SGCZ: variants seen among roughly 807,000 people sequenced by gnomAD.
The protein encoded by SGCZ is zeta-sarcoglycan.
In SGCZ, 40 loss-of-function variants were observed where a neutral mutation model predicts 41.3. The observed-to-expected ratio is 0.97, with a 90% CI of 0.75 to 1.26. The LOEUF (loss-of-function observed/expected upper bound fraction) is 1.26. Among genes scored for constraint, SGCZ ranks in the 50% most tolerant of loss-of-function variants. SGCZ has a pLI of 0.00. For missense variants in SGCZ, 552 were observed against 369.8 expected (o/e 1.49, Z -4.04); for synonymous variants, 206 against 137.5 (o/e 1.50, Z -3.49).
chr8:15,022,402 G>C (rs906340056), intron 1 of SGCZ, among the ~76,000 whole-genome samples: 2 of 151,970 alleles, frequency 1.3e-5, no homozygotes, highest in Admixed American at 1.3e-4. Flanking sequence ...GGAGTGCAGT[G>C]GCACAATCTC....
chr8:14,428,111 C>T (rs1043574948), intron 2 of SGCZ, among the ~76,000 whole-genome samples: 1 of 11,548 alleles, frequency 8.7e-5, no homozygotes, highest in Admixed American at 5.2e-4. Context: ...TACACACACA[C>T]ACACACACAC....
At chr8:15,022,500 C>T (rs966176673) in intron 1 of SGCZ, among the ~76,000 whole-genome samples, 1 of 152,022 alleles carries the variant, frequency 6.6e-6, no homozygotes, top group Non-Finnish European at 1.5e-5. Context: ...TGAGCCACCG[C>T]GCCCAGCTAA....
intron 2 of SGCZ, among the ~76,000 whole-genome samples, chr8:14,432,061 A>C (rs936572439): frequency 6.6e-6 from 1 of 152,188 alleles, no homozygotes; most frequent in Non-Finnish European, 1.5e-5. Flanking sequence ...GTGAACAGGG[A>C]ACACTTCTAC....
intron 1 of SGCZ, among the ~76,000 whole-genome samples, chr8:15,169,465 T>A (rs1392819687): frequency 6.6e-6 from 1 of 152,138 alleles, no homozygotes; most frequent in Non-Finnish European, 1.5e-5. Flanking sequence ...TTTTCTTCCT[T>A]TTCACCCAAT....
intron 1 of SGCZ, among the ~76,000 whole-genome samples, chr8:15,151,083 C>G (rs552879005): frequency 1.3e-5 from 2 of 152,248 alleles, no homozygotes; most frequent in Non-Finnish European, 2.9e-5. Context: ...TACACACTCA[C>G]GCACACACTT....
intron 5 of SGCZ, among the ~76,000 whole-genome samples, chr8:14,160,960 A>C (rs1215302211): frequency 6.6e-6 from 1 of 152,224 alleles, no homozygotes; most frequent in African/African-American, 2.4e-5. Flanking sequence ...TAAAGCTGCA[A>C]GGCATCCATT....
intron 1 of SGCZ, among the ~76,000 whole-genome samples, chr8:14,873,255 T>C (rs1375900791): frequency 1.3e-5 from 2 of 152,120 alleles, no homozygotes; most frequent in Non-Finnish European, 2.9e-5. Flanking sequence ...TAACTACACT[T>C]TAAAGGCTAC....
In SGCZ at chr8:14,518,684, C is replaced by T. The variant is rs147191825; in HGVS notation, c.234+36048G>A. 7.8e-3 allele frequency among the ~76,000 whole-genome samples: 1,181 copies of T among 151,962 alleles called. 16 individuals carry two copies. The highest frequency in any genetic ancestry group is 0.02 in the South Asian group (94 of 4,814). On this transcript the variant is annotated intron_variant, in intron 2 of 7. Transcript: ENST00000382080. Reference sequence around the variant, plus strand: ...TCAGGTTACATATAAGAAAATAGAACGTTATTAAGTACAGTTTAGTTGCAG... The same window carrying T: ...TCAGGTTACATATAAGAAAATAGAATGTTATTAAGTACAGTTTAGTTGCAG...
intron 3 of SGCZ, among the ~76,000 whole-genome samples, chr8:14,300,461 C>A (rs916322086): frequency 6.6e-5 from 10 of 151,862 alleles, no homozygotes; most frequent in Admixed American, 2.0e-4. Flanking sequence ...CAGTATAGTT[C>A]ATATTCCCAG....
chr8:14,749,047 A>G (rs1339885294), intron 1 of SGCZ, among the ~76,000 whole-genome samples: 9 of 152,096 alleles, frequency 5.9e-5, no homozygotes, highest in Admixed American at 5.9e-4. Flanking sequence ...TTTTCATCCA[A>G]TTTCTATCTA....
In SGCZ at chr8:15,221,735, C is replaced by A. The variant is rs1585689143; in HGVS notation, c.39+15850G>T. Among the ~76,000 whole-genome samples, 5 of 152,280 alleles carry A rather than the reference C, an allele frequency of 3.3e-5. No homozygotes were observed. In the South Asian group the frequency reaches 8.3e-4, roughly 25 times the overall value. The stretch of plus-strand genomic sequence containing the variant: ...CTGCCCGAAACCTAAGTCCATTTTA[C>A]ACTTTTTTTTAAACAAAATTTAACT... On this transcript the variant is annotated intron_variant, in intron 1 of 7. Coordinates refer to ENST00000382080, the MANE Select transcript of SGCZ (RefSeq NM_139167.4).
chr8:15,225,253 T>A (rs1411793873), intron 1 of SGCZ, among the ~76,000 whole-genome samples: 1 of 152,030 alleles, frequency 6.6e-6, no homozygotes, highest in Non-Finnish European at 1.5e-5. Flanking sequence ...CCTACCACAA[T>A]GCAATTTAGT....
At chr8:15,182,401 CTAGA>C (rs1046371611) in intron 1 of SGCZ, among the ~76,000 whole-genome samples, 4 of 152,078 alleles carry the variant, frequency 2.6e-5, no homozygotes, top group African/African-American at 9.7e-5. Flanking sequence ...AAGCACACAC[CTAGA>C]TAATAGATCC....
At chr8:15,207,897 T>C (rs1020783187) in intron 1 of SGCZ, among the ~76,000 whole-genome samples, 2 of 152,190 alleles carry the variant, frequency 1.3e-5, no homozygotes, top group African/African-American at 4.8e-5. Context: ...GGGTAGTTTC[T>C]CAATTTTAAT....
intron 1 of SGCZ, among the ~76,000 whole-genome samples, chr8:14,870,843 C>T (rs1003383253): frequency 1.3e-5 from 2 of 152,118 alleles, no homozygotes; most frequent in African/African-American, 2.4e-5. Context: ...CATCACTGGT[C>T]GTTAGAGAAA....
chr8:15,103,336 G>C (rs1806689192), intron 1 of SGCZ, among the ~76,000 whole-genome samples: 1 of 152,108 alleles, frequency 6.6e-6, no homozygotes, highest in African/African-American at 2.4e-5. Context: ...GGGAGGCAGA[G>C]GCTGCAGTGA....
chr8:14,884,630 A>C (rs971292497), intron 1 of SGCZ, among the ~76,000 whole-genome samples: 4 of 152,118 alleles, frequency 2.6e-5, no homozygotes, highest in Non-Finnish European at 5.9e-5. Context: ...TGCAGAAAAA[A>C]TATGATAGAG....
At chr8:14,274,325 C>G (rs944887935) in intron 3 of SGCZ, among the ~76,000 whole-genome samples, 1 of 152,110 alleles carries the variant, frequency 6.6e-6, no homozygotes, top group Middle Eastern at 3.2e-3. Context: ...TCTTTTAGCA[C>G]TGTTAAGGTT....
At chr8:14,183,760 A>C (rs776758155) in intron 4 of SGCZ, among the ~76,000 whole-genome samples, 5 of 152,198 alleles carry the variant, frequency 3.3e-5, no homozygotes, top group African/African-American at 4.8e-5. Context: ...AAACTAAGAA[A>C]GGAGAAAACA....
Sources: gnomAD v4.1 joint callset for allele counts (sites outside exome capture counted in the v4.1 genomes callset) on GRCh38, gnomAD v4.1.1 for gene constraint, MANE v1.5 for transcripts, NCBI Gene and HGNC (gene_info 2026-07-23, HGNC 2026-07-21) for gene names.